The following ZNF800 variants were observed in gnomAD, a reference collection of about 807,000 sequenced individuals.
The protein encoded by ZNF800 is zinc finger protein 800.
In ZNF800, 13 loss-of-function variants were observed where a neutral mutation model predicts 59.5. The observed-to-expected ratio is 0.22, with a 90% CI of 0.14 to 0.35. ZNF800 has a LOEUF of 0.35. Ranked by LOEUF, ZNF800 falls within the 10% of genes least tolerant of loss-of-function variation. The pLI is 1.00. For missense variants in ZNF800, 621 were observed against 783.7 expected (o/e 0.79, Z 2.48); for synonymous variants, 266 against 265.7 (o/e 1.00, Z -0.01).
chr7:127,353,347 T>C (rs146989244), intron 1 of ZNF800, among the ~76,000 whole-genome samples: 6 of 152,244 alleles, frequency 3.9e-5, no homozygotes, highest in Middle Eastern at 3.4e-3. Context: ...GTTCATTATC[T>C]TACATCAAGA....
intron 1 of ZNF800, among the ~76,000 whole-genome samples, chr7:127,357,802 C>T (rs1191215883): frequency 6.6e-6 from 1 of 150,774 alleles, no homozygotes; most frequent in Non-Finnish European, 1.5e-5. Context: ...AGAGTAAAAT[C>T]AAATACATGT....
chr7:127,357,332 G>C (rs546342762), intron 1 of ZNF800, among the ~76,000 whole-genome samples: 9 of 152,218 alleles, frequency 5.9e-5, no homozygotes, highest in Non-Finnish European at 1.0e-4. Context: ...AGTCCAAAAA[G>C]TGCAGCTTTA....
At chr7:127,348,273 A>C (rs921821185) in intron 1 of ZNF800, among the ~76,000 whole-genome samples, 1 of 152,100 alleles carries the variant, frequency 6.6e-6, no homozygotes, top group Admixed American at 6.5e-5. Flanking sequence ...ATTTAGGAAA[A>C]TGTATCAAAA....
chr7:127,343,428 A>C (rs558076136), downstream of ZNF800, among the ~76,000 whole-genome samples: 3 of 151,912 alleles, frequency 2.0e-5, no homozygotes, highest in African/African-American at 7.2e-5. Flanking sequence ...ACAAATTTTA[A>C]AATTCTCTGA....
chr7:127,373,742 G>A lies in ZNF800; in HGVS notation c.1594C>T (p.Arg532Cys). Residue 532 changes from arginine (R) to cysteine (C), a missense_variant, in exon 5 of 6, where the codon CGT (arginine) becomes TGT (cysteine). By Grantham distance (180) the Arg-to-Cys change is radical. Transcript: ENST00000265827. The part of the protein sequence containing the change: ...PLCTYETRRK[R>C]DVIRHITVVH... The stretch of plus-strand genomic sequence containing the variant: ...ACAGTTATATGTCGTATCACATCAC[G>A]TTTCCGACGAGTTTCATAAGTGCAA... 6.2e-7 allele frequency: 1 copy of A among 1,614,068 alleles called. No homozygotes were observed.
Position 127,373,370 on chromosome 7 carries a change from G to C in ZNF800, c.1966C>G (p.Arg656Gly), listed in dbSNP as rs768803409. The C allele has an allele frequency of 6.2e-7, 1 of 1,607,442 alleles. No homozygotes were observed. The highest frequency in any genetic ancestry group is 1.1e-5 in the South Asian group (1 of 90,318). ...NSPEGNKTKG[R>G]STRSKALV ...ACAAGAGCCTTAGATCTTGTACTTC[G>C]GCCTTTGGTTTTGTTTCCTTCAGGT... The change falls in exon 5 of 6, where the codon CGA becomes GGA. Residue 656 changes from arginine (R) to glycine (G), a missense_variant. Coordinates refer to ENST00000265827, the MANE Select transcript of ZNF800 (RefSeq NM_176814.5).
chr7:127,371,790 CT>C lies in ZNF800; in HGVS notation c.*23del. ...CTTTCCACAAAAATGAACTCCAAAC[CT>C]TTTCGTACATCACTTGAAGTTATCT... On this transcript the variant is annotated 3_prime_UTR_variant, in exon 6 of 6. Coordinates refer to ENST00000265827, the MANE Select transcript of ZNF800 (RefSeq NM_176814.5). 1 of 764,576 alleles carries C rather than the reference CT, an allele frequency of 1.3e-6. No homozygotes were observed. The allele number at this position is 764,576 out of a possible 1,614,324, so 47.4% of individuals were successfully genotyped here. A position where few individuals can be genotyped will look rare whatever the true frequency, so the allele number is the denominator to read the frequency against.
At position 127,371,812 on chromosome 7, in the gene ZNF800, T is replaced by C. The variant is rs745849695; in HGVS notation, c.*2A>G. The C allele has an allele frequency of 9.1e-6, 7 of 767,972 alleles. No individual in the cohort carries two copies. In the East Asian group the frequency reaches 1.7e-4, roughly 19 times the overall value. 47.6% of individuals were successfully genotyped at this position (767,972 alleles called of 1,614,324 possible). On this transcript the variant is annotated splice_region_variant and 3_prime_UTR_variant, in exon 6 of 6. Transcript: ENST00000265827. ...AACCTTTTCGTACATCACTTGAAGT[T>C]ATCTGAGGAGAAATGGGAATAAATG...
At chr7:127,369,213 A>C (rs552169946), downstream of ZNF800, among the ~76,000 whole-genome samples, 2 of 152,238 alleles carry the variant, frequency 1.3e-5, no homozygotes, top group African/African-American at 4.8e-5. Context: ...CATCTTTAGG[A>C]AGGAAGGTAA....
chr7:127,374,074 G>T lies in ZNF800; in HGVS notation c.1262C>A (p.Pro421His), dbSNP rs1800712601. Residue 421 changes from proline to histidine, a missense_variant, in exon 5 of 6, where the codon CCT becomes CAT. Around this residue, in one of 7 missense-constraint regions of ZNF800, gnomAD observed 185 missense variants for 177.6 expected, o/e 1.04. Coordinates refer to ENST00000265827, the MANE Select transcript of ZNF800 (RefSeq NM_176814.5). ...ATTCTGTGGAGAATGGGTAATGGAA[G>T]GGGGTGAAGATTCTACAGAATCTGC... Reference protein sequence around the residue: ...EPADSVESSPPSITHSPQNEL... With the variant: ...EPADSVESSPHSITHSPQNEL... The T allele has an allele frequency of 6.2e-7, 1 of 1,613,978 alleles. No homozygotes were observed. The highest frequency in any genetic ancestry group is 1.3e-5 in the African/African-American group (1 of 74,906).
chr7:127,382,483 T>C lies in ZNF800; in HGVS notation c.157+3577A>G, dbSNP rs75418380. 2.6e-3 allele frequency among the ~76,000 whole-genome samples: 402 copies of C among 152,298 alleles called. 4 individuals are homozygous for C. Among genetic ancestry groups the C allele is most frequent in the African/African-American group, 9.0e-3 (373 of 41,562 alleles). On this transcript the variant is annotated intron_variant, in intron 3 of 5. Transcript: ENST00000265827. ...AAAGTGTTATAGAGAGGAGGGAAAT[T>C]TGAAGACACCATATTAGAAACATGA...
chr7:127,385,926 T>G, intron 3 of ZNF800, 134 bp downstream of exon 3: 1 of 576,214 alleles, frequency 1.7e-6, no homozygotes, highest in Non-Finnish European at 2.9e-6. Context: ...TTTTAAAATA[T>G]GAAAATTTTA....
Position 127,371,275 on chromosome 7 carries a change from A to G in ZNF800, c.*539T>C, listed in dbSNP as rs956520944. The G allele has an allele frequency of 6.6e-6, 1 of 152,630 alleles. No individual in the cohort carries two copies. Among genetic ancestry groups the G allele is most frequent in the African/African-American group, 2.4e-5 (1 of 41,454 alleles). 9.5% of individuals were successfully genotyped at this position (152,630 alleles called of 1,614,324 possible). A position where few individuals can be genotyped will look rare whatever the true frequency, so the allele number is the denominator to read the frequency against. On this transcript the variant is annotated 3_prime_UTR_variant, in exon 6 of 6. Transcript: ENST00000265827. ...AAGCTAGAAATAAATGGATGTAAAA[A>G]TAATTACAAATATTTAGTAAGCTAA...
chr7:127,353,132 TATAAACTTTTA>T (rs1188758966), intron 1 of ZNF800, among the ~76,000 whole-genome samples: 2 of 152,158 alleles, frequency 1.3e-5, no homozygotes, highest in African/African-American at 2.4e-5. Context: ...AACTTGGACA[TATAAACTTTTA>T]CCAAAGAATA....
At chr7:127,353,409 G>GA (rs1257377602) in intron 1 of ZNF800, among the ~76,000 whole-genome samples, 1 of 129,844 alleles carries the variant, frequency 7.7e-6, no homozygotes, top group Non-Finnish European at 1.7e-5. Flanking sequence ...GTTCAGGGTT[G>GA]AGGATAACAC....
chr7:127,379,872 G>C (rs10265428), intron 3 of ZNF800, among the ~76,000 whole-genome samples: 1,511 of 9,568 alleles, frequency 0.16, 64 homozygotes, highest in African/African-American at 0.37. Context: ...CACACACACA[G>C]AGAGAGAGAG....
At chr7:127,360,867 C>T (rs1318654823) in intron 1 of ZNF800, 1 of 152,108 alleles carries the variant, frequency 6.6e-6, no homozygotes, top group Non-Finnish European at 1.5e-5. Context: ...GTTAGTGTTG[C>T]TTCTCATCAA....
intron 1 of ZNF800, chr7:127,360,179 T>C (rs1800367451): frequency 6.6e-6 from 1 of 152,126 alleles, no homozygotes. Context: ...CCCAGGTAGT[T>C]GGTACAAAAT....
At chr7:127,357,700 T>C (rs577370983) in intron 1 of ZNF800, among the ~76,000 whole-genome samples, 7 of 152,072 alleles carry the variant, frequency 4.6e-5, no homozygotes, top group African/African-American at 7.2e-5. Flanking sequence ...AAATAGGTCT[T>C]ACAGATTTTA....
Sources: gnomAD v4.1 joint callset for allele counts (sites outside exome capture counted in the v4.1 genomes callset) on GRCh38, gnomAD v4.1.1 for gene constraint, gnomAD v4.1.1 regional missense constraint, MANE v1.5 for transcripts, NCBI Gene and HGNC (gene_info 2026-07-23, HGNC 2026-07-21) for gene names.